Variants in MBIP observed in about 807,000 individuals in gnomAD.
MBIP encodes MAP3K12 binding inhibitory protein 1.
A neutral mutation model predicts 45.7 loss-of-function variants in MBIP; 32 were observed. The observed-to-expected ratio is 0.70, with a 90% confidence interval of 0.53 to 0.94. MBIP has a LOEUF of 0.94. Among genes scored for constraint, MBIP ranks in the 40% least tolerant of loss-of-function variants. MBIP has a pLI of 0.00. For missense variants in MBIP, 381 were observed against 405.5 expected, an observed-to-expected ratio of 0.94 and a Z score of 0.52; for synonymous variants, 145 against 141.0, an observed-to-expected ratio of 1.03 and a Z score of -0.20.
At chr14:36,300,673 A>G (rs1403389496) in intron 8 of MBIP, 112 bp downstream of exon 8, 2 of 726,154 alleles carry the variant, frequency 2.8e-6, no homozygotes, top group East Asian at 5.7e-5. Context: ...TCAGTCCTAA[A>G]TTTTACCAGG....
intron 2 of MBIP, among the ~76,000 whole-genome samples, chr14:36,315,675 G>T (rs745690916): frequency 6.6e-6 from 1 of 151,842 alleles, no homozygotes; most frequent in African/African-American, 2.4e-5. Flanking sequence ...TCCCCACAAT[G>T]AGGTCTCATT....
intron 2 of MBIP, among the ~76,000 whole-genome samples, chr14:36,316,311 T>C (rs1382412969): frequency 6.6e-6 from 1 of 152,126 alleles, no homozygotes; most frequent in Non-Finnish European, 1.5e-5. Flanking sequence ...TGCCCCTTCT[T>C]GAACCACTGA....
At chr14:36,317,287 C>A (rs963295310) in intron 1 of MBIP, among the ~76,000 whole-genome samples, 1 of 152,130 alleles carries the variant, frequency 6.6e-6, no homozygotes, top group Non-Finnish European at 1.5e-5. Context: ...AGAAATATAT[C>A]ATTATTCTGA....
intron 7 of MBIP, among the ~76,000 whole-genome samples, chr14:36,303,630 G>A (rs1325162061): frequency 6.6e-6 from 1 of 152,118 alleles, no homozygotes; most frequent in African/African-American, 2.4e-5. Flanking sequence ...TGTAATATAT[G>A]CAGTTGACTG....
Position 36,298,859 on chromosome 14 carries a change from A to G in MBIP, c.*224T>C. The G allele has an allele frequency of 2.6e-6, 1 of 378,378 alleles. No individual in the cohort carries two copies. The highest frequency in any genetic ancestry group is 4.7e-6 in the Non-Finnish European group (1 of 210,668). 23.4% of individuals were successfully genotyped at this position (378,378 alleles called of 1,614,324 possible). A position where few individuals can be genotyped will look rare whatever the true frequency, so the allele number is the denominator to read the frequency against. ...CAATTTCCAAAATACCTCCTTTAAA[A>G]CAGAAGGGAATAAATTCCAACAATG... is the stretch of plus-strand genomic sequence containing the variant. On this transcript the variant is annotated 3_prime_UTR_variant, in exon 9 of 9. Transcript: ENST00000416007.
intron 7 of MBIP, among the ~76,000 whole-genome samples, chr14:36,305,860 C>G (rs1879841468): frequency 6.6e-6 from 1 of 152,132 alleles, no homozygotes; most frequent in African/African-American, 2.4e-5. Context: ...TTTCCACATC[C>G]AATCATCAGT....
intron 7 of MBIP, among the ~76,000 whole-genome samples, chr14:36,307,657 GGT>G (rs1879962122): frequency 6.6e-6 from 1 of 152,308 alleles, no homozygotes; most frequent in African/African-American, 2.4e-5. Flanking sequence ...GGCAGCTTGA[GGT>G]GTGTGTTTGT....
chr14:36,320,193 G>C (rs1000610255), intron 1 of MBIP, among the ~76,000 whole-genome samples: 4 of 152,066 alleles, frequency 2.6e-5, no homozygotes, highest in African/African-American at 9.7e-5. Flanking sequence ...CTCCAAGCCT[G>C]CCTCTCTCGG....
Position 36,314,872 on chromosome 14 carries a change from G to A in MBIP, c.293C>T (p.Thr98Ile). The A allele has an allele frequency of 6.2e-7, 1 of 1,613,272 alleles. No individual in the cohort carries two copies. Among genetic ancestry groups the A allele is most frequent in the East Asian group, 2.2e-5 (1 of 44,818 alleles). ...TCTTCCTATCTCTTCAACAGCAGTT[G>A]TATTCTCCTCTTTAATCGGAGACTG... ...KLQSPIKEENTTAVEEIGRTE... is the reference protein window; with the variant it reads ...KLQSPIKEENITAVEEIGRTE... Residue 98 changes from threonine to isoleucine, a missense_variant, in exon 3 of 9, where the codon ACA becomes ATA. By Grantham distance (89) the Thr-to-Ile change is moderately conservative. Coordinates refer to ENST00000416007, the MANE Select transcript of MBIP (RefSeq NM_016586.3).
chr14:36,309,690 T>A (rs1566551173), intron 6 of MBIP, among the ~76,000 whole-genome samples: 1 of 152,250 alleles, frequency 6.6e-6, no homozygotes, highest in African/African-American at 2.4e-5. Context: ...TACAATGTCC[T>A]CTGCCTTACT....
At chr14:36,312,125 T>A (rs149220752) in intron 4 of MBIP, 101 bp from the exon 5 acceptor site, 2 of 547,936 alleles carry the variant, frequency 3.7e-6, no homozygotes, top group Admixed American at 7.4e-5. Context: ...ATTTTACTCA[T>A]AATAATTTTA....
chr14:36,314,346 CTAT>C, intron 4 of MBIP, 163 bp downstream of exon 4: 1 of 530,356 alleles, frequency 1.9e-6, no homozygotes, highest in Non-Finnish European at 3.3e-6. Context: ...GCAATATAGT[CTAT>C]TATTAAGCAG....
Position 36,314,714 on chromosome 14 carries a change from G to T in MBIP, c.451C>A (p.Gln151Lys). ...TQIHFDPEVV[Q>K]IKAGKAEIDR... ...ACTTCTGCTTTTCCAGCCTTTATCT[G>T]AACTACTTCTGGATCAAAATGGATC... Residue 151 changes from glutamine to lysine, a missense_variant, in exon 3 of 9, where the codon CAG (glutamine) becomes AAG (lysine). Transcript: ENST00000416007. The T allele has an allele frequency of 6.2e-7, 1 of 1,613,346 alleles. No homozygotes were observed. The highest frequency in any genetic ancestry group is 1.3e-5 in the African/African-American group (1 of 74,946).
At position 36,299,807 on chromosome 14, in the gene MBIP, C is replaced by T. The variant is rs1355659344; in HGVS notation, c.928-617G>A. Among the ~76,000 whole-genome samples, 4 of 152,166 alleles carry T rather than the reference C, an allele frequency of 2.6e-5. No homozygotes were observed. The South Asian group carries it at 6.2e-4, about 24-fold the overall frequency. The stretch of plus-strand genomic sequence containing the variant: ...TGAAGAAAATACTTCTTTTACCTTC[C>T]AATAAAAATTGGATTTATTCAAGTC... On this transcript the variant is annotated intron_variant, in intron 8 of 8. Coordinates refer to ENST00000416007, the MANE Select transcript of MBIP (RefSeq NM_016586.3).
Position 36,300,813 on chromosome 14 carries a change from C to T in MBIP, c.899G>A (p.Gly300Glu). Residue 300 changes from glycine (G) to glutamate (E), a missense_variant, in exon 8 of 9, where the codon GGA (glycine) becomes GAA (glutamate). Physicochemically the swap from Gly to Glu is moderately conservative, Grantham distance 98. Transcript: ENST00000416007. ...AGGTGGTTGAACTTTTCTTCTTTTT[C>T]CAGAAAAGCTCTAGATTAAAAAAAA... ...PEYFQSVSFS[G>E]KRRKVQPPQQ... 2 of 1,538,348 alleles carry T rather than the reference C, an allele frequency of 1.3e-6. No individual in the cohort carries two copies. Among genetic ancestry groups the T allele is most frequent in the Non-Finnish European group, 8.8e-7 (1 of 1,134,158 alleles).
At chr14:36,303,013 C>T (rs572555755) in intron 7 of MBIP, among the ~76,000 whole-genome samples, 1 of 152,124 alleles carries the variant, frequency 6.6e-6, no homozygotes, top group Non-Finnish European at 1.5e-5. Context: ...GGTAAACACC[C>T]GATACTCTAC....
intron 7 of MBIP, among the ~76,000 whole-genome samples, chr14:36,306,697 T>A (rs1879901574): frequency 6.6e-6 from 1 of 152,198 alleles, no homozygotes; most frequent in Non-Finnish European, 1.5e-5. Context: ...TAATAAGAAT[T>A]ATATTAACAA....
Position 36,320,599 on chromosome 14 carries a change from C to T in MBIP, c.-11G>A, listed in dbSNP as rs770038372. ...CGTGGCAGCAGCCATGATATCTTCTCAGGCCGCCCCACCACCACCACCACC... is the reference window on the plus strand; with the variant it reads ...CGTGGCAGCAGCCATGATATCTTCTTAGGCCGCCCCACCACCACCACCACC... On this transcript the variant is annotated 5_prime_UTR_variant, in exon 1 of 9. Coordinates refer to ENST00000416007, the MANE Select transcript of MBIP (RefSeq NM_016586.3). 2.5e-6 allele frequency: 4 copies of T among 1,593,536 alleles called. No individual in the cohort carries two copies. Among genetic ancestry groups the T allele is most frequent in the South Asian group, 1.1e-5 (1 of 88,724 alleles).
At chr14:36,301,661 T>C (rs1193377053) in intron 7 of MBIP, among the ~76,000 whole-genome samples, 2 of 152,238 alleles carry the variant, frequency 1.3e-5, no homozygotes, top group East Asian at 1.9e-4. Context: ...TGTGCTACCA[T>C]GGACTTCCTA....
Sources: allele counts gnomAD v4.1 joint callset (sites outside exome capture counted in the v4.1 genomes callset), GRCh38; gene constraint gnomAD v4.1.1; transcripts MANE v1.5; gene names NCBI Gene and HGNC (gene_info 2026-07-23, HGNC 2026-07-21).